KIAA2012: variants seen among roughly 807,000 people sequenced by gnomAD.
KIAA2012 encodes KIAA2012.
KIAA2012 carries 125 observed loss-of-function variants against 150.6 expected under a neutral mutation model. The observed-to-expected ratio is 0.83, with a 90% CI of 0.72 to 0.96. The LOEUF (loss-of-function observed/expected upper bound fraction) is 0.96. Among genes scored for constraint, KIAA2012 ranks in the 40% least tolerant of loss-of-function variants. The probability of loss-of-function intolerance (pLI) is 0.00; values close to 1 mark genes in which losing one functional copy is unlikely to be tolerated. For synonymous variants in KIAA2012, 462 were observed against 504.7 expected, an observed-to-expected ratio of 0.92 and a Z score of 1.13; for missense variants, 1,219 against 1,354.9, an observed-to-expected ratio of 0.90 and a Z score of 1.57.
rs1015803696 is a variant in KIAA2012 at position 202,087,325 on chromosome 2, C to T, written c.370-3445C>T. On this transcript the variant is annotated intron_variant, in intron 2 of 23. Transcript: ENST00000498697. ...GTCAGGAGTTCAAGACCAGCCTGGC[C>T]AACATGGTGAAACCCTGTCTCTACA... Among the ~76,000 whole-genome samples, 21 of 152,008 alleles carry T rather than the reference C, an allele frequency of 1.4e-4. No individual in the cohort carries two copies. In the Middle Eastern group the frequency reaches 0.01, roughly 74 times the overall value.
chr2:202,098,465 A>G (rs1323076445), intron 5 of KIAA2012, among the ~76,000 whole-genome samples: 1 of 152,240 alleles, frequency 6.6e-6, no homozygotes, highest in African/African-American at 2.4e-5. Flanking sequence ...GAGAGCTTGG[A>G]GAAGTTCTAT....
intron 15 of KIAA2012, among the ~76,000 whole-genome samples, chr2:202,175,267 C>T (rs889198367): frequency 2.6e-5 from 4 of 152,140 alleles, no homozygotes; most frequent in Non-Finnish European, 5.9e-5. Context: ...GATCAGATTC[C>T]GGTTTGGTTT....
At chr2:202,109,814 C>T (rs985664732) in intron 10 of KIAA2012, 25 bp downstream of exon 10, 19 of 1,507,192 alleles carry the variant, frequency 1.3e-5, no homozygotes, top group African/African-American at 8.4e-5. Flanking sequence ...AGTGCATAGA[C>T]GCCCCCCACT....
At chr2:202,132,788 G>GTATA (rs757979483) in intron 12 of KIAA2012, among the ~76,000 whole-genome samples, 7 of 66,576 alleles carry the variant, frequency 1.1e-4, no homozygotes, top group African/African-American at 4.7e-4. Flanking sequence ...ATATATATGC[G>GTATA]TATATATATA....
chr2:202,142,585 C>A (rs1240900697), intron 13 of KIAA2012, among the ~76,000 whole-genome samples: 1 of 152,172 alleles, frequency 6.6e-6, no homozygotes, highest in Non-Finnish European at 1.5e-5. Context: ...CAAAGGCAGT[C>A]TGGTTCACAA....
chr2:202,080,866 T>C (rs1689436833), intron 2 of KIAA2012, among the ~76,000 whole-genome samples: 1 of 152,188 alleles, frequency 6.6e-6, no homozygotes. Context: ...ATTTACCATT[T>C]TAACCATTTT....
chr2:202,102,240 G>A (rs1444724374), intron 7 of KIAA2012, among the ~76,000 whole-genome samples: 1 of 152,014 alleles, frequency 6.6e-6, no homozygotes. Flanking sequence ...GGACAAAGTT[G>A]CTGATTCTGA....
chr2:202,106,963 A>C (rs954762429), intron 9 of KIAA2012, among the ~76,000 whole-genome samples: 5 of 152,286 alleles, frequency 3.3e-5, no homozygotes, highest in Middle Eastern at 3.4e-3. Context: ...GATGCACATT[A>C]ATGTGTTTGG....
chr2:202,100,608 T>G (rs1197707968), intron 7 of KIAA2012, among the ~76,000 whole-genome samples, 159 bp downstream of exon 7: 2 of 152,210 alleles, frequency 1.3e-5, no homozygotes, highest in East Asian at 3.8e-4. Context: ...TGAATAGAGC[T>G]GTAGTAATTT....
rs1026718637 is a variant in KIAA2012 at position 202,156,673 on chromosome 2, C to T, written c.2046+1863C>T. Among the ~76,000 whole-genome samples, 3 of 152,148 alleles carry T rather than the reference C, an allele frequency of 2.0e-5. No individual in the cohort carries two copies. In the East Asian group the frequency reaches 5.8e-4, roughly 29 times the overall value. On this transcript the variant is annotated intron_variant, in intron 14 of 23. Transcript: ENST00000498697. ...GGCCAAGGCGGGCAGATCACGAGGT[C>T]AGGAGATCGAGACCAGCCTGGCTAA...
At chr2:202,144,252 A>G (rs992950825) in intron 13 of KIAA2012, among the ~76,000 whole-genome samples, 1 of 152,170 alleles carries the variant, frequency 6.6e-6, no homozygotes, top group Non-Finnish European at 1.5e-5. Context: ...AATTGGTGTT[A>G]TATCCCTTTC....
intron 19 of KIAA2012, among the ~76,000 whole-genome samples, chr2:202,191,564 A>G (rs68063879): frequency 7.8e-5 from 11 of 140,612 alleles, no homozygotes; most frequent in African/African-American, 1.0e-4. Context: ...AAAAAAAAAA[A>G]GAAAAAAAAG....
At chr2:202,112,530 T>C (rs1336423394) in intron 10 of KIAA2012, among the ~76,000 whole-genome samples, 2 of 152,334 alleles carry the variant, frequency 1.3e-5, no homozygotes, top group East Asian at 3.9e-4. Context: ...CGGTCAGAAG[T>C]ACAGGTCACA....
At chr2:202,115,799 T>A (rs1690505253) in intron 11 of KIAA2012, 1 of 151,560 alleles carries the variant, frequency 6.6e-6, no homozygotes, top group Non-Finnish European at 1.5e-5. Context: ...ATCCATCTGA[T>A]CTTTCTGAGA....
intron 4 of KIAA2012, among the ~76,000 whole-genome samples, chr2:202,095,161 A>T (rs999755822): frequency 1.7e-4 from 26 of 152,192 alleles, no homozygotes; most frequent in Non-Finnish European, 3.7e-4. Context: ...ATAATTACTA[A>T]CTGGAATGCC....
At chr2:202,166,808 A>G (rs1305930375) in intron 15 of KIAA2012, among the ~76,000 whole-genome samples, 1 of 152,192 alleles carries the variant, frequency 6.6e-6, no homozygotes, top group Non-Finnish European at 1.5e-5. Context: ...CAGTGAGAAT[A>G]TCATGAGTCT....
intron 21 of KIAA2012, 24 bp from the exon 22 acceptor site, chr2:202,196,776 C>G: frequency 6.5e-7 from 1 of 1,547,688 alleles, no homozygotes; most frequent in African/African-American, 1.4e-5. Flanking sequence ...CCCTGCTGAG[C>G]CCACCCCCTT....
chr2:202,190,269 G>A lies in KIAA2012; in HGVS notation c.2587G>A (p.Ala863Thr), dbSNP rs1350008319. The change falls in exon 19 of 24, where the codon GCA becomes ACA. Residue 863 changes from alanine (A) to threonine (T), a missense_variant. Coordinates refer to ENST00000498697, the MANE Select transcript of KIAA2012 (RefSeq NM_001277372.4). ...GAAGGAAAGAAATCTGGAGATAGCG[G>A]CAGAGCTGAGCGGGCCTGATGTCAG... ...TQKERNLEIA[A>T]ELSGPDVSYE... 2.6e-6 allele frequency: 4 copies of A among 1,550,478 alleles called. No individual in the cohort carries two copies. The highest frequency in any genetic ancestry group is 3.5e-6 in the Non-Finnish European group (4 of 1,146,976).
At position 202,201,644 on chromosome 2, in the gene KIAA2012, C is replaced by G. The variant is rs555020688; in HGVS notation, c.3408-785C>G. 1.4e-4 allele frequency: 232 copies of G among 1,610,760 alleles called. No individual in the cohort carries two copies. In the African/African-American group the frequency reaches 2.5e-3, roughly 18 times the overall value. ...CCATGGGGATTGTGGAACCTAAAGA[C>G]CCAACAGCCACAGACTGGGCCATGG... On this transcript the variant is annotated intron_variant, in intron 22 of 23. Transcript: ENST00000498697.
Sources: gnomAD v4.1 joint callset for allele counts (sites outside exome capture counted in the v4.1 genomes callset) on GRCh38, gnomAD v4.1.1 for gene constraint, MANE v1.5 for transcripts, NCBI Gene and HGNC (gene_info 2026-07-23, HGNC 2026-07-21) for gene names.